The following ARHGEF10 variants were observed in gnomAD, a reference collection of about 807,000 sequenced individuals.
ARHGEF10 encodes the protein Rho guanine nucleotide exchange factor 10.
A neutral mutation model predicts 147.4 loss-of-function variants in ARHGEF10; 140 were observed. The observed-to-expected ratio is 0.95, with a 90% CI of 0.83 to 1.09. The LOEUF is 1.09. Among genes scored for constraint, ARHGEF10 ranks in the 50% least tolerant of loss-of-function variants. ARHGEF10 has a pLI of 0.00. For missense variants in ARHGEF10, 2,222 were observed against 1,752.7 expected, an observed-to-expected ratio of 1.27 and a Z score of -4.78; for synonymous variants, 902 against 695.8, an observed-to-expected ratio of 1.30 and a Z score of -4.67.
At chr8:1,882,568 C>G in intron 9 of ARHGEF10, 67 bp from the exon 10 acceptor site, 1 of 1,276,120 alleles carries the variant, frequency 7.8e-7, no homozygotes, top group Non-Finnish European at 1.1e-6. Context: ...TCTTTTAAAA[C>G]AGGCAAATGA....
chr8:1,881,890 A>C (rs1048682646), intron 9 of ARHGEF10, among the ~76,000 whole-genome samples: 3 of 152,162 alleles, frequency 2.0e-5, no homozygotes, highest in African/African-American at 7.2e-5. Context: ...TAAAGACGAA[A>C]TCACTCAGCG....
At chr8:1,896,495 C>A in intron 14 of ARHGEF10, 46 bp downstream of exon 14, 1 of 1,306,366 alleles carries the variant, frequency 7.7e-7, no homozygotes, top group Non-Finnish European at 1.1e-6. Context: ...CATCTGATAA[C>A]AAGTTACATG....
At position 1,888,823 on chromosome 8, in the gene ARHGEF10, A is replaced by ATGAGGAGACACTGAATAGGGTGAGGTTTG. The variant is rs1305042643; in HGVS notation, c.1182+3131_1182+3159dup. On this transcript the variant is annotated intron_variant, in intron 11 of 28. Transcript: ENST00000349830. ...GGAGACACTGAGTGGGGTGAGAGTT[A>ATGAGGAGACACTGAATAGGGTGAGGTTTG]TGAGGAGACACTGAATAGGGTGAGG... is the stretch of plus-strand genomic sequence containing the variant. Among the ~76,000 whole-genome samples the ATGAGGAGACACTGAATAGGGTGAGGTTTG allele has an allele frequency of 9.0e-5, 2 of 22,118 alleles. 1 individual carries two copies. Among genetic ancestry groups the ATGAGGAGACACTGAATAGGGTGAGGTTTG allele is most frequent in the Admixed American group, 1.1e-3 (2 of 1,818 alleles). 14.5% of individuals were successfully genotyped at this position (22,118 alleles called of 152,430 possible). A position where few individuals can be genotyped will look rare whatever the true frequency, so the allele number is the denominator to read the frequency against.
At chr8:1,854,288 G>T (rs1805381747) in intron 2 of ARHGEF10, among the ~76,000 whole-genome samples, 1 of 152,072 alleles carries the variant, frequency 6.6e-6, no homozygotes, top group Non-Finnish European at 1.5e-5. Context: ...GGGGTCAGAG[G>T]AGCAGCCCAG....
At chr8:1,839,397 G>C (rs1209657950) in intron 1 of ARHGEF10, among the ~76,000 whole-genome samples, 1 of 137,292 alleles carries the variant, frequency 7.3e-6, no homozygotes, top group Non-Finnish European at 1.5e-5. Flanking sequence ...GGGACTGTCT[G>C]CTGTGGGGAC....
At chr8:1,913,565 T>A (rs1811533298) in intron 18 of ARHGEF10, among the ~76,000 whole-genome samples, 1 of 152,222 alleles carries the variant, frequency 6.6e-6, no homozygotes, top group Non-Finnish European at 1.5e-5. Flanking sequence ...TGGCCTCTGA[T>A]GTTTCTGGCT....
rs1806399715 is a variant in ARHGEF10, at chr8:1,864,337, G to T, written c.482-36G>T. 1.6e-5 allele frequency: 25 copies of T among 1,607,748 alleles called. No individual in the cohort carries two copies. In the East Asian group the frequency reaches 5.6e-4, roughly 36 times the overall value. ...TCAACTTCATGAGCATTTTTGTCAGGCGTAAAGCAGCATCACATATTTTCT... is the reference window on the plus strand; with the variant it reads ...TCAACTTCATGAGCATTTTTGTCAGTCGTAAAGCAGCATCACATATTTTCT... On this transcript the variant is annotated intron_variant, in intron 4 of 28. Transcript: ENST00000349830.
intron 1 of ARHGEF10, among the ~76,000 whole-genome samples, chr8:1,829,687 C>T (rs1331551860): frequency 6.6e-6 from 1 of 152,186 alleles, no homozygotes; most frequent in Non-Finnish European, 1.5e-5. Flanking sequence ...AGCTGTGGTC[C>T]TGTGTTATGT....
At chr8:1,945,165 G>C (rs1330171803) in intron 26 of ARHGEF10, among the ~76,000 whole-genome samples, 1 of 152,228 alleles carries the variant, frequency 6.6e-6, no homozygotes, top group African/African-American at 2.4e-5. Context: ...CTGGGGGGAT[G>C]GATCCTGTGC....
chr8:1,855,910 T>C (rs1289666094), intron 2 of ARHGEF10, among the ~76,000 whole-genome samples: 1 of 150,896 alleles, frequency 6.6e-6, no homozygotes, highest in Non-Finnish European at 1.5e-5. Flanking sequence ...GACTACTTAA[T>C]GATATGGCAA....
At chr8:1,833,405 G>C (rs1585208638) in intron 1 of ARHGEF10, among the ~76,000 whole-genome samples, 1 of 151,684 alleles carries the variant, frequency 6.6e-6, no homozygotes, top group Non-Finnish European at 1.5e-5. Context: ...GGCAGAGACA[G>C]AGACAGAGGC....
chr8:1,842,584 TGCCTGGTCCCCGGTGCTAGA>T (rs1804178956), intron 1 of ARHGEF10, among the ~76,000 whole-genome samples: 1 of 152,134 alleles, frequency 6.6e-6, no homozygotes, highest in African/African-American at 2.4e-5. Flanking sequence ...CTGGAGCTGG[TGCCTGGTCCCCGGTGCTAGA>T]GCCTGGTCCC....
chr8:1,910,064 T>G (rs933561157), intron 18 of ARHGEF10, among the ~76,000 whole-genome samples: 1 of 152,170 alleles, frequency 6.6e-6, no homozygotes, highest in African/African-American at 2.4e-5. Flanking sequence ...TTAATCTTAG[T>G]GTAAAAATCA....
chr8:1,906,833 G>A (rs1476297782), intron 17 of ARHGEF10, among the ~76,000 whole-genome samples: 3 of 152,224 alleles, frequency 2.0e-5, no homozygotes, highest in African/African-American at 7.2e-5. Flanking sequence ...CACTGCCTGC[G>A]AGGGACAGGT....
At chr8:1,837,452 C>T (rs1332754364) in intron 1 of ARHGEF10, among the ~76,000 whole-genome samples, 2 of 152,208 alleles carry the variant, frequency 1.3e-5, no homozygotes, top group Non-Finnish European at 2.9e-5. Context: ...AATGAGAAAT[C>T]AATTTGACTC....
Position 1,857,630 on chromosome 8 carries a change from G to T in ARHGEF10, c.38-330G>T, listed in dbSNP as rs571737876. 1.4e-3 allele frequency among the ~76,000 whole-genome samples: 220 copies of T among 152,058 alleles called. 5 individuals are homozygous for T. Among genetic ancestry groups the T allele is most frequent in the Admixed American group, 0.014 (213 of 15,270 alleles). Reference sequence around the variant, plus strand: ...AGATGGGGTTTCACCATGTTGGCCAGGCTGGTCTCAAGCTTCTTACCTTGT... The same window carrying T: ...AGATGGGGTTTCACCATGTTGGCCATGCTGGTCTCAAGCTTCTTACCTTGT... On this transcript the variant is annotated intron_variant, in intron 2 of 28. Coordinates refer to ENST00000349830, the MANE Select transcript of ARHGEF10 (RefSeq NM_014629.4).
intron 4 of ARHGEF10, among the ~76,000 whole-genome samples, chr8:1,861,372 G>A: frequency 6.6e-6 from 1 of 152,224 alleles, no homozygotes; most frequent in Non-Finnish European, 1.5e-5. Flanking sequence ...CTGCTGTAGG[G>A]CCAGGCGCCA....
chr8:1,903,154 C>G, intron 15 of ARHGEF10, 127 bp from the exon 16 acceptor site: 1 of 1,237,854 alleles, frequency 8.1e-7, no homozygotes, highest in Non-Finnish European at 1.2e-6. Context: ...CAAGAACTGA[C>G]TTTATTTTTC....
At chr8:1,874,160 A>C (rs1230012289) in intron 7 of ARHGEF10, among the ~76,000 whole-genome samples, 1 of 152,220 alleles carries the variant, frequency 6.6e-6, no homozygotes, top group Non-Finnish European at 1.5e-5. Context: ...AATTCACTGA[A>C]TTGATGGTTA....
Sources: allele counts gnomAD v4.1 joint callset (sites outside exome capture counted in the v4.1 genomes callset), GRCh38; gene constraint gnomAD v4.1.1; transcripts MANE v1.5; gene names NCBI Gene and HGNC (gene_info 2026-07-23, HGNC 2026-07-21).